The following PRR12 variants were observed in gnomAD, a reference collection of about 807,000 sequenced individuals.
PRR12 encodes the protein proline rich 12, also known as proline-rich protein 12.
In PRR12, 12 loss-of-function variants were observed where a neutral mutation model predicts 138.0. The ratio of observed to expected loss-of-function variants is 0.09; its 90% CI spans 0.06 to 0.14. The LOEUF is 0.14. Ranked by LOEUF, PRR12 falls within the 10% of genes least tolerant of loss-of-function variation. PRR12 has a pLI of 1.00. For missense variants in PRR12, 2,692 were observed against 2,861.3 expected (o/e 0.94, Z 1.35); for synonymous variants, 1,567 against 1,291.7 (o/e 1.21, Z -4.57).
intron 4 of PRR12, among the ~76,000 whole-genome samples, chr19:49,598,506 AG>A (rs1161827063): frequency 2.6e-5 from 4 of 152,188 alleles, no homozygotes; most frequent in Non-Finnish European, 4.4e-5. Flanking sequence ...TCTCACTGAC[AG>A]AAAGACCTAA....
intron 6 of PRR12, among the ~76,000 whole-genome samples, chr19:49,605,528 C>T (rs2080834029): frequency 1.3e-5 from 2 of 152,254 alleles, no homozygotes. Context: ...TCCCAAAGTG[C>T]TGGGATTATA....
chr19:49,601,381 GTGGTAGTTACAGAGGGGCTTT>G (rs2122315657), intron 5 of PRR12, 89 bp from the exon 6 acceptor site: 1 of 656,786 alleles, frequency 1.5e-6, no homozygotes, highest in African/African-American at 1.9e-5. Flanking sequence ...TGGGAGCTGA[GTGGTAGTTACAGAGGGGCTTT>G]TGGTATAGAA....
intron 10 of PRR12, 138 bp from the exon 11 acceptor site, chr19:49,621,387 G>C (rs868854804): frequency 1.5e-6 from 1 of 687,300 alleles, no homozygotes. Flanking sequence ...TCCTGGGTCC[G>C]AAGGAGGAGG....
At chr19:49,605,017 A>C (rs922817422) in intron 6 of PRR12, among the ~76,000 whole-genome samples, 3 of 151,578 alleles carry the variant, frequency 2.0e-5, no homozygotes, top group Non-Finnish European at 4.4e-5. Flanking sequence ...TGGTTGGCTA[A>C]ATTTTGTATT....
At chr19:49,603,206 A>G (rs990468223) in intron 6 of PRR12, among the ~76,000 whole-genome samples, 2 of 152,208 alleles carry the variant, frequency 1.3e-5, no homozygotes, top group Non-Finnish European at 2.9e-5. Context: ...GGCACTTGAC[A>G]GGGGTAGGTG....
At position 49,620,409 on chromosome 19, in the gene PRR12, G is replaced by A. The variant is rs1451902471; in HGVS notation, c.5555G>A (p.Ser1852Asn). ...KTRAMREMYRSYVEMLVSTAL... is the reference protein window; with the variant it reads ...KTRAMREMYRNYVEMLVSTAL... ...AGGGCGATGCGGGAGATGTACCGGA[G>A]CTACGTGGAGATGTTGGTGAGCACA... Residue 1852 changes from serine (S) to asparagine (N), a missense_variant, in exon 10 of 14, where the codon AGC (serine) becomes AAC (asparagine). By Grantham distance (46) the Ser-to-Asn change is conservative. Around this residue, in one of 11 missense-constraint regions of PRR12, gnomAD observed 259 missense variants for 265.1 expected, o/e 0.98. Coordinates refer to ENST00000418929, the MANE Select transcript of PRR12 (RefSeq NM_020719.3). 2 of 1,609,228 alleles carry A rather than the reference G, an allele frequency of 1.2e-6. No homozygotes were observed. Among genetic ancestry groups the A allele is most frequent in the Non-Finnish European group, 8.5e-7 (1 of 1,177,920 alleles).
chr19:49,622,437 A>G (rs1389859130), intron 11 of PRR12, among the ~76,000 whole-genome samples: 5 of 151,676 alleles, frequency 3.3e-5, no homozygotes, highest in African/African-American at 1.2e-4. Context: ...TACTCAAAAT[A>G]AAAAATTAGC....
chr19:49,604,690 G>GA (rs2080829392), intron 6 of PRR12, among the ~76,000 whole-genome samples: 1 of 151,690 alleles, frequency 6.6e-6, no homozygotes, highest in Non-Finnish European at 1.5e-5. Flanking sequence ...AAAAAATAAA[G>GA]AAAAAAAGAA....
At chr19:49,603,340 C>A (rs531242611) in intron 6 of PRR12, among the ~76,000 whole-genome samples, 9 of 152,232 alleles carry the variant, frequency 5.9e-5, no homozygotes, top group Non-Finnish European at 1.0e-4. Flanking sequence ...CAATCATTGT[C>A]ATTGATTGTA....
At chr19:49,598,085 T>A (rs2080787557) in intron 4 of PRR12, 72 bp downstream of exon 4, 1 of 1,258,662 alleles carries the variant, frequency 7.9e-7, no homozygotes, top group Non-Finnish European at 9.9e-7. Context: ...CTTTTTTTTT[T>A]TTTTTTGAGA....
rs1599807569 is a variant in PRR12, at chr19:49,625,480, G to A, written c.5984G>A (p.Gly1995Asp). The A allele has an allele frequency of 6.2e-7, 1 of 1,609,170 alleles. No individual in the cohort carries two copies. Among genetic ancestry groups the A allele is most frequent in the South Asian group, 1.1e-5 (1 of 90,128 alleles). ...CTGCAGACCCTGGCCATCGAGGGCG[G>A]CGCCGAGGACCTGGGCCAGGAGGAG... ...CRDQTLAIEG[G>D]AEDLGQEEVV... Residue 1995 changes from glycine to aspartate, a missense_variant, in exon 14 of 14, where the codon GGC (glycine) becomes GAC (aspartate). By Grantham distance (94) the Gly-to-Asp change is moderately conservative. Transcript: ENST00000418929. This position sits in a 1 kb window ranked among gnomAD's most constrained non-coding sequence, Gnocchi z 5.5.
At chr19:49,604,912 C>T (rs143950662) in intron 6 of PRR12, among the ~76,000 whole-genome samples, 60 of 152,046 alleles carry the variant, frequency 3.9e-4, no homozygotes, top group South Asian at 4.2e-4. Flanking sequence ...AATGCAGTGA[C>T]GTGATCTCAG....
intron 6 of PRR12, among the ~76,000 whole-genome samples, chr19:49,604,731 A>G (rs979130675): frequency 6.6e-5 from 10 of 152,132 alleles, no homozygotes; most frequent in African/African-American, 2.2e-4. Context: ...CGTCACCACC[A>G]TCCATCTCCA....
In PRR12 at chr19:49,622,928, TAGAGAGAGAG is replaced by T. The variant is rs1312571676; in HGVS notation, c.5721+1326_5721+1335del. Among the ~76,000 whole-genome samples the T allele has an allele frequency of 2.3e-3, 179 of 77,764 alleles. 1 individual carries two copies. The highest frequency in any genetic ancestry group is 8.5e-3 in the Middle Eastern group (1 of 118). The allele number at this position is 77,764 out of a possible 152,430, so 51.0% of individuals were successfully genotyped here. A position where few individuals can be genotyped will look rare whatever the true frequency, so the allele number is the denominator to read the frequency against. ...AAAAACATATATATATATATATATA[TAGAGAGAGAG>T]AGAGAGAGAGAGAGAGAGAAAGAGA... On this transcript the variant is annotated intron_variant, in intron 11 of 13. Transcript: ENST00000418929.
chr19:49,623,671 T>C (rs1466357199), intron 11 of PRR12, among the ~76,000 whole-genome samples: 2 of 147,294 alleles, frequency 1.4e-5, no homozygotes, highest in African/African-American at 5.0e-5. Context: ...GATGGGATGG[T>C]TAGGATAGGG....
chr19:49,611,170 A>G (rs1055310460), intron 6 of PRR12, among the ~76,000 whole-genome samples: 2 of 152,230 alleles, frequency 1.3e-5, no homozygotes, highest in East Asian at 1.9e-4. Flanking sequence ...AAAAAATACA[A>G]AAATTATCCA....
At chr19:49,603,702 A>AAAT (rs894068686) in intron 6 of PRR12, among the ~76,000 whole-genome samples, 52 of 152,200 alleles carry the variant, frequency 3.4e-4, no homozygotes, top group Admixed American at 2.1e-3. Flanking sequence ...CATCTCGAAA[A>AAAT]AATAATAATA....
intron 6 of PRR12, among the ~76,000 whole-genome samples, chr19:49,607,068 A>T (rs1411704566): frequency 6.6e-6 from 1 of 151,870 alleles, no homozygotes; most frequent in Non-Finnish European, 1.5e-5. Flanking sequence ...AGGACGAGGC[A>T]GGATTGTTTG....
chr19:49,607,261 G>A (rs932172256), intron 6 of PRR12, among the ~76,000 whole-genome samples: 1 of 152,154 alleles, frequency 6.6e-6, no homozygotes, highest in African/African-American at 2.4e-5. Flanking sequence ...TGTTGAGGTG[G>A]GAGGATCACT....
Sources: allele counts gnomAD v4.1 joint callset (sites outside exome capture counted in the v4.1 genomes callset), GRCh38; gene constraint gnomAD v4.1.1; regional missense constraint gnomAD v4.1.1; non-coding constraint Gnocchi (gnomAD v3.1); transcripts MANE v1.5; gene names NCBI Gene and HGNC (gene_info 2026-07-23, HGNC 2026-07-21).